The following BBS9 variants were observed in gnomAD, a reference collection of about 807,000 sequenced individuals.
BBS9 encodes protein PTHB1.
BBS9 carries 89 observed loss-of-function variants against 117.7 expected under a neutral mutation model. That is an observed-to-expected ratio of 0.76 (90% CI 0.64 to 0.90). The LOEUF is 0.90. Among genes scored for constraint, BBS9 ranks in the 40% least tolerant of loss-of-function variants. The pLI is 0.00. For missense variants in BBS9, 982 were observed against 1,042.2 expected (o/e 0.94, Z 0.80); for synonymous variants, 379 against 370.9 (o/e 1.02, Z -0.25).
At chr7:33,277,819 G>C (rs1211175194) in intron 9 of BBS9, among the ~76,000 whole-genome samples, 1 of 152,164 alleles carries the variant, frequency 6.6e-6, no homozygotes, top group Non-Finnish European at 1.5e-5. Context: ...TCTCTTACAA[G>C]ACCACTGTTA....
At chr7:33,156,496 C>T (rs563173529) in intron 4 of BBS9, among the ~76,000 whole-genome samples, 41 of 152,208 alleles carry the variant, frequency 2.7e-4, no homozygotes, top group Middle Eastern at 3.4e-3. Context: ...CAGACTTATT[C>T]TCTTCATTTG....
intron 21 of BBS9, among the ~76,000 whole-genome samples, chr7:33,562,014 G>C (rs543232874): frequency 5.9e-5 from 9 of 152,210 alleles, no homozygotes; most frequent in Non-Finnish European, 8.8e-5. Context: ...TGACCTTTTA[G>C]GAATAATCCT....
At chr7:33,527,054 C>T (rs1260197414) in intron 20 of BBS9, among the ~76,000 whole-genome samples, 1 of 151,632 alleles carries the variant, frequency 6.6e-6, no homozygotes, top group Non-Finnish European at 1.5e-5. Context: ...CCCAGTTAGG[C>T]TGCTCGGGGG....
At chr7:33,213,616 CAGA>C (rs1243197198) in intron 5 of BBS9, among the ~76,000 whole-genome samples, 8 of 152,218 alleles carry the variant, frequency 5.3e-5, no homozygotes, top group African/African-American at 1.4e-4. Context: ...TAGCATGTCT[CAGA>C]GCCCAGGGCA....
At chr7:33,396,952 G>T (rs1233571569) in intron 19 of BBS9, among the ~76,000 whole-genome samples, 2 of 152,148 alleles carry the variant, frequency 1.3e-5, no homozygotes, top group African/African-American at 4.8e-5. Flanking sequence ...CTAGCCATAT[G>T]CAAAAATTGA....
At position 33,273,034 on chromosome 7, in the gene BBS9, G is replaced by C; in HGVS notation, c.725G>C (p.Gly242Ala). The C allele has an allele frequency of 6.2e-7, 1 of 1,613,608 alleles. No homozygotes were observed. Among genetic ancestry groups the C allele is most frequent in the Non-Finnish European group, 8.5e-7 (1 of 1,179,738 alleles). Residue 242 changes from glycine to alanine, a missense_variant, in exon 8 of 23, where the codon GGA becomes GCA. Physicochemically the swap from Gly to Ala is moderately conservative, Grantham distance 60. Coordinates refer to ENST00000242067, the MANE Select transcript of BBS9 (RefSeq NM_198428.3). ...TAGGTGGATTGGACTCTAAATATTG[G>C]AGAGCAAGCCCTTGACATATGTATT... Reference protein sequence around the residue: ...RLVVDWTLNIGEQALDICIVS... With the variant: ...RLVVDWTLNIAEQALDICIVS...
At chr7:33,290,429 A>G (rs1268068756) in intron 9 of BBS9, among the ~76,000 whole-genome samples, 3 of 152,222 alleles carry the variant, frequency 2.0e-5, no homozygotes, top group African/African-American at 7.2e-5. Context: ...TTAAAAAGTT[A>G]TCTCACTGCT....
intron 19 of BBS9, among the ~76,000 whole-genome samples, chr7:33,414,417 A>C (rs985278238): frequency 6.6e-6 from 1 of 152,190 alleles, no homozygotes; most frequent in Non-Finnish European, 1.5e-5. Context: ...AAATATTATC[A>C]TTGTAGAAAA....
chr7:33,391,034 G>T (rs1329678795), intron 19 of BBS9, among the ~76,000 whole-genome samples: 3 of 152,136 alleles, frequency 2.0e-5, no homozygotes, highest in African/African-American at 7.2e-5. Flanking sequence ...GTTTATTAAA[G>T]GACAAATCTT....
At chr7:33,338,084 G>T (rs150495832) in intron 10 of BBS9, among the ~76,000 whole-genome samples, 14 of 151,804 alleles carry the variant, frequency 9.2e-5, no homozygotes, top group Non-Finnish European at 1.6e-4. Flanking sequence ...TAAAATAACC[G>T]CTAATTAAGA....
chr7:33,610,085 A>T (rs1864780275), downstream of BBS9, among the ~76,000 whole-genome samples: 1 of 152,114 alleles, frequency 6.6e-6, no homozygotes, highest in Non-Finnish European at 1.5e-5. Flanking sequence ...CTGGGCAAGG[A>T]ACTGCCCTGA....
chr7:33,576,819 T>C (rs982715323), intron 21 of BBS9, among the ~76,000 whole-genome samples: 6 of 151,934 alleles, frequency 3.9e-5, no homozygotes, highest in Non-Finnish European at 7.4e-5. Context: ...GAATTCCCTA[T>C]TTAAATGGTG....
At chr7:33,548,015 C>T (rs1329204976) in intron 21 of BBS9, among the ~76,000 whole-genome samples, 1 of 152,124 alleles carries the variant, frequency 6.6e-6, no homozygotes, top group Non-Finnish European at 1.5e-5. Context: ...GAATAACATT[C>T]TCCCTGTGTG....
Position 33,582,952 on chromosome 7 carries a change from G to C in BBS9, c.2522-21913G>C, listed in dbSNP as rs117597991. On this transcript the variant is annotated intron_variant, in intron 21 of 22. Transcript: ENST00000242067. ...CCTTTGGAACAAGACTGCTGGTCCA[G>C]AACTAAGTAATGTGGGAGCCTGTAC... Among the ~76,000 whole-genome samples the C allele has an allele frequency of 1.6e-4, 25 of 152,240 alleles. No individual in the cohort carries two copies. The East Asian group carries it at 2.7e-3, about 16-fold the overall frequency.
At chr7:33,520,768 A>G (rs1204842418) in intron 20 of BBS9, among the ~76,000 whole-genome samples, 1 of 152,234 alleles carries the variant, frequency 6.6e-6, no homozygotes, top group Non-Finnish European at 1.5e-5. Context: ...AGGAAAAGGC[A>G]GCCTTAAACT....
intron 9 of BBS9, among the ~76,000 whole-genome samples, chr7:33,304,421 G>A (rs1433456800): frequency 1.3e-4 from 19 of 147,908 alleles, no homozygotes; most frequent in African/African-American, 3.5e-4. Context: ...CTGCCCAGCC[G>A]CCACCCCGCC....
intron 9 of BBS9, among the ~76,000 whole-genome samples, chr7:33,294,091 A>G (rs200620428): frequency 6.6e-6 from 1 of 152,190 alleles, no homozygotes; most frequent in African/African-American, 2.4e-5. Flanking sequence ...TTAGTCTAAC[A>G]TATACTTTGA....
intron 21 of BBS9, among the ~76,000 whole-genome samples, chr7:33,581,258 G>C (rs1327342041): frequency 6.6e-6 from 1 of 152,112 alleles, no homozygotes; most frequent in African/African-American, 2.4e-5. Context: ...TTTTCTAGTA[G>C]AATTAAATGA....
intron 21 of BBS9, among the ~76,000 whole-genome samples, chr7:33,568,339 G>A (rs1857238643): frequency 6.6e-6 from 1 of 152,136 alleles, no homozygotes; most frequent in South Asian, 2.1e-4. Flanking sequence ...TCCTCCAGAA[G>A]CTCTTGCTGA....
Sources: gnomAD v4.1 joint callset for allele counts (sites outside exome capture counted in the v4.1 genomes callset) on GRCh38, gnomAD v4.1.1 for gene constraint, MANE v1.5 for transcripts, NCBI Gene and HGNC (gene_info 2026-07-23, HGNC 2026-07-21) for gene names.